Variants in AMZ1 observed in about 807,000 individuals in gnomAD.
AMZ1 encodes archaelysin family metallopeptidase 1.
AMZ1 carries 39 observed loss-of-function variants against 29.9 expected under a neutral mutation model. The observed-to-expected ratio is 1.30, with a 90% CI of 1.01 to 1.70. AMZ1 has a LOEUF of 1.70. Ranked by LOEUF, AMZ1 falls within the 40% of genes most tolerant of loss-of-function variation. AMZ1 has a pLI of 0.00. For synonymous variants in AMZ1, 458 were observed against 304.0 expected (o/e 1.51, Z -5.27); for missense variants, 1,041 against 680.6 (o/e 1.53, Z -5.89).
At position 2,751,083 on chromosome 7, in the gene AMZ1, G is replaced by GT. The variant is rs537327349; in HGVS notation, n.551-13627dup. Among the ~76,000 whole-genome samples, 10 of 152,266 alleles carry GT rather than the reference G, an allele frequency of 6.6e-5. No homozygotes were observed. The South Asian group carries it at 2.1e-3, about 32-fold the overall frequency. On this transcript the variant is annotated intron_variant and non_coding_transcript_variant, in intron 4 of 4. Coordinates refer to the AMZ1 transcript ENST00000489665. ...ACTACAGCATTTCGGGGAGAAATCT[G>GT]TTGCTTTACATGCTTATATTAGGGC...
rs1291169735 is a variant in AMZ1 at position 2,718,500 on chromosome 7, G to A, written c.*5622G>A. On this transcript the variant is annotated 3_prime_UTR_variant, in exon 7 of 7. Transcript: ENST00000683327. ...ATGGGGACGTGTTTTGTTCAGCCCT[G>A]ACTCTTGGACGCTGGTGGCAGCCGC... Among the ~76,000 whole-genome samples, 1 of 152,340 alleles carries A rather than the reference G, an allele frequency of 6.6e-6. No homozygotes were observed. The highest frequency in any genetic ancestry group is 2.4e-5 in the African/African-American group (1 of 41,578).
In AMZ1 at chr7:2,709,088, C is replaced by G; in HGVS notation, c.615C>G (p.Cys205Trp). Residue 205 changes from cysteine (C) to tryptophan (W), a missense_variant, in exon 5 of 7, where the codon TGC (cysteine) becomes TGG (tryptophan). Transcript: ENST00000683327. Reference protein sequence around the residue: ...KFLPGHEVGVCSFARFSGEFP... With the variant: ...KFLPGHEVGVWSFARFSGEFP... ...ATCTCTCTCCAGAAGTGGGCGTCTGCAGCTTCGCCCGGTTCTCAGGGGAAT... is the reference window on the plus strand; with the variant it reads ...ATCTCTCTCCAGAAGTGGGCGTCTGGAGCTTCGCCCGGTTCTCAGGGGAAT... 1 of 1,594,018 alleles carries G rather than the reference C, an allele frequency of 6.3e-7. No homozygotes were observed. The highest frequency in any genetic ancestry group is 2.3e-5 in the East Asian group (1 of 44,342).
intron 1 of AMZ1, among the ~76,000 whole-genome samples, chr7:2,696,662 A>G (rs1243229416): frequency 1.3e-5 from 2 of 151,816 alleles, no homozygotes; most frequent in African/African-American, 4.8e-5. Flanking sequence ...AGGTGGGCAG[A>G]TCACCTTGAG....
intron 5 of AMZ1, 52 bp from the exon 6 acceptor site, chr7:2,709,588 C>G (rs145113520): frequency 1.3e-6 from 2 of 1,574,084 alleles, no homozygotes; most frequent in Non-Finnish European, 1.7e-6. Context: ...GGGGATCTGC[C>G]GGATGCAGGG....
Position 2,717,185 on chromosome 7 carries a change from G to T in AMZ1, c.*4307G>T, listed in dbSNP as rs533171773. Reference sequence around the variant, plus strand: ...CGGCACTCTTAGGTGAGGTGCCAACGAAAACACCCCCGTGATTGCTGGGGC... The same window carrying T: ...CGGCACTCTTAGGTGAGGTGCCAACTAAAACACCCCCGTGATTGCTGGGGC... On this transcript the variant is annotated 3_prime_UTR_variant, in exon 7 of 7. Transcript: ENST00000683327. Among the ~76,000 whole-genome samples the T allele has an allele frequency of 1.7e-4, 26 of 152,308 alleles. No homozygotes were observed. The East Asian group carries it at 4.6e-3, about 27-fold the overall frequency.
At chr7:2,706,778 C>A (rs1164903612) in intron 3 of AMZ1, among the ~76,000 whole-genome samples, 1 of 152,238 alleles carries the variant, frequency 6.6e-6, no homozygotes, top group African/African-American at 2.4e-5. Flanking sequence ...TTAGGACTTC[C>A]ACCTGTCTTT....
chr7:2,722,697 T>C (rs1419756651), downstream of AMZ1, among the ~76,000 whole-genome samples: 1 of 152,224 alleles, frequency 6.6e-6, no homozygotes, highest in Non-Finnish European at 1.5e-5. Flanking sequence ...CCAGACTGGG[T>C]GCAGCGACTC....
rs1583231832 is a variant in AMZ1, at chr7:2,749,119, T to A, written n.551-15593T>A. Among the ~76,000 whole-genome samples the A allele has an allele frequency of 3.3e-5, 5 of 152,188 alleles. No individual in the cohort carries two copies. In the East Asian group the frequency reaches 9.6e-4, roughly 29 times the overall value. ...TCAGTGTGGCGATTCCTCAGGGATC[T>A]AGAACTAGAAATACCATTGGACCCA... On this transcript the variant is annotated intron_variant and non_coding_transcript_variant, in intron 4 of 4. Coordinates refer to the AMZ1 transcript ENST00000489665.
chr7:2,693,212 C>G (rs1360995913), intron 1 of AMZ1, among the ~76,000 whole-genome samples: 1 of 152,140 alleles, frequency 6.6e-6, no homozygotes, highest in Non-Finnish European at 1.5e-5. Flanking sequence ...AGCAATTCTT[C>G]TGAGTAGCTG....
At chr7:2,704,986 C>G (rs544529928) in intron 3 of AMZ1, among the ~76,000 whole-genome samples, 20 of 152,318 alleles carry the variant, frequency 1.3e-4, no homozygotes, top group African/African-American at 4.8e-4. Flanking sequence ...GACCGTCTGT[C>G]CGATGATTAC....
rs527248129 is a variant in AMZ1, at chr7:2,703,120, A to G, written c.472+231A>G. On this transcript the variant is annotated intron_variant, in intron 3 of 6. Transcript: ENST00000683327. ...AGTGCCCACAGGAAAACGCCAGAGC[A>G]TGCAGAGCAGGAGAAGCGAGCCCTT... 2.0e-5 allele frequency among the ~76,000 whole-genome samples: 3 copies of G among 152,308 alleles called. No homozygotes were observed. In the East Asian group the frequency reaches 5.8e-4, roughly 29 times the overall value.
chr7:2,760,649 C>G (rs186054635), upstream of AMZ1, among the ~76,000 whole-genome samples: 181 of 152,348 alleles, frequency 1.2e-3, no homozygotes, highest in African/African-American at 3.7e-3. Flanking sequence ...AGACCTGTCA[C>G]TGTCCCTTTA....
chr7:2,709,438 T>TGGCCTCCCCAG (rs61164812), intron 5 of AMZ1, among the ~76,000 whole-genome samples, 194 bp downstream of exon 5: 81,997 of 151,736 alleles, frequency 0.54, 23,143 homozygotes, highest in East Asian at 0.82. Context: ...CTATCCTGTG[T>TGGCCTCCCCAG]GGCCTCCCAC....
intron 4 of AMZ1, among the ~76,000 whole-genome samples, chr7:2,735,201 G>A (rs1038002595): frequency 4.6e-5 from 7 of 152,186 alleles, no homozygotes; most frequent in Admixed American, 3.9e-4. Context: ...CTCGGGAGGT[G>A]CCACGCAAGC....
In AMZ1 at chr7:2,731,810, A is replaced by G; in HGVS notation, n.550+21994A>G. ...GAGGAAGAAAGAACAGAGAAAATAG[A>G]AACAAAAAGATGGCAAAAAGATAAG... On this transcript the variant is annotated intron_variant and non_coding_transcript_variant, in intron 4 of 4. Coordinates refer to the AMZ1 transcript ENST00000489665. The surrounding 1 kb of genome is among the most constrained non-coding windows in gnomAD (Gnocchi z 6.0). 2 of 890,672 alleles carry G rather than the reference A, an allele frequency of 2.2e-6. No individual in the cohort carries two copies. The highest frequency in any genetic ancestry group is 3.2e-6 in the Non-Finnish European group (2 of 616,150). 55.2% of individuals were successfully genotyped at this position (890,672 alleles called of 1,614,324 possible).
At chr7:2,709,964 G>T in intron 6 of AMZ1, 148 bp downstream of exon 6, 3 of 1,127,460 alleles carry the variant, frequency 2.7e-6, no homozygotes, top group Admixed American at 2.7e-5. Context: ...TGGGACCTGC[G>T]CTGGGGTTGA....
Position 2,731,371 on chromosome 7 carries a change from C to T in AMZ1, n.550+21555C>T. The T allele has an allele frequency of 6.2e-7, 1 of 1,613,708 alleles. No individual in the cohort carries two copies. The highest frequency in any genetic ancestry group is 8.5e-7 in the Non-Finnish European group (1 of 1,179,752). ...GACGTCCTCCAGCCTGTGCGGGTCG[C>T]CCCTGAAGTCCGGGAAGTGCTTCTT... is the stretch of plus-strand genomic sequence containing the variant. On this transcript the variant is annotated intron_variant and non_coding_transcript_variant, in intron 4 of 4. Coordinates refer to the AMZ1 transcript ENST00000489665. The surrounding 1 kb of genome is among the most constrained non-coding windows in gnomAD (Gnocchi z 6.0).
chr7:2,692,055 G>A (rs1787421535), intron 1 of AMZ1, among the ~76,000 whole-genome samples: 1 of 152,226 alleles, frequency 6.6e-6, no homozygotes, highest in Admixed American at 6.5e-5. Flanking sequence ...AGGTCTGGGA[G>A]CGAGAAGCCG....
In AMZ1 at chr7:2,717,432, A is replaced by G. The variant is rs149474162; in HGVS notation, c.*4554A>G. Among the ~76,000 whole-genome samples the G allele has an allele frequency of 2.2e-4, 34 of 152,268 alleles. No individual in the cohort carries two copies. In the East Asian group the frequency reaches 6.6e-3, roughly 29 times the overall value. On this transcript the variant is annotated 3_prime_UTR_variant, in exon 7 of 7. Coordinates refer to ENST00000683327, the MANE Select transcript of AMZ1 (RefSeq NM_001384743.1). ...ACGGGGGCCTGGCTGCCGTCCTGGG[A>G]GAGGCCCCGGGAACCGGCTCGCCCT...
Sources: allele counts gnomAD v4.1 joint callset (sites outside exome capture counted in the v4.1 genomes callset), GRCh38; gene constraint gnomAD v4.1.1; non-coding constraint Gnocchi (gnomAD v3.1); transcripts MANE v1.5; gene names NCBI Gene and HGNC (gene_info 2026-07-23, HGNC 2026-07-21).